The following BBS9 variants were observed in gnomAD, a reference collection of about 807,000 sequenced individuals.
BBS9 encodes protein PTHB1.
BBS9 carries 89 observed loss-of-function variants against 117.7 expected under a neutral mutation model. The observed-to-expected ratio is 0.76, with a 90% CI of 0.64 to 0.90. The LOEUF (loss-of-function observed/expected upper bound fraction) is 0.90, where lower values mean the gene tolerates loss of function less well. Ranked by LOEUF, BBS9 falls within the 40% of genes least tolerant of loss-of-function variation. The pLI, the probability that BBS9 is intolerant of heterozygous loss-of-function variation, is 0.00. For synonymous variants in BBS9, 379 were observed against 370.9 expected (o/e 1.02, Z -0.25); for missense variants, 982 against 1,042.2 (o/e 0.94, Z 0.80).
intron 19 of BBS9, among the ~76,000 whole-genome samples, chr7:33,419,842 C>A (rs1464042930): frequency 6.6e-6 from 1 of 151,934 alleles, no homozygotes; most frequent in Non-Finnish European, 1.5e-5. Flanking sequence ...CTTAAAATTA[C>A]CTTGAATTTT....
At chr7:33,306,117 A>G (rs1236687568) in intron 9 of BBS9, among the ~76,000 whole-genome samples, 11 of 152,068 alleles carry the variant, frequency 7.2e-5, no homozygotes, top group Non-Finnish European at 4.4e-5. Context: ...TGTTTCAAGA[A>G]CTTTTCAGTT....
At chr7:33,490,648 A>T (rs1397774683) in intron 19 of BBS9, among the ~76,000 whole-genome samples, 1 of 152,204 alleles carries the variant, frequency 6.6e-6, no homozygotes, top group Non-Finnish European at 1.5e-5. Context: ...GCAGCACCTA[A>T]CACTCCAGTG....
chr7:33,440,395 G>T (rs1418777909), intron 19 of BBS9, among the ~76,000 whole-genome samples: 1 of 152,048 alleles, frequency 6.6e-6, no homozygotes, highest in Non-Finnish European at 1.5e-5. Flanking sequence ...TTTCTTACTG[G>T]CTTTTGTTTT....
Position 33,605,567 on chromosome 7 carries a change from A to AT in BBS9, c.*347dup, listed in dbSNP as rs1864475419. On this transcript the variant is annotated 3_prime_UTR_variant, in exon 23 of 23. Coordinates refer to ENST00000242067, the MANE Select transcript of BBS9 (RefSeq NM_198428.3). ...CAGATCCAAAATAATTTCATACCCC[A>AT]TTTTTTCACAGAATTCTTATATAGT... The AT allele has an allele frequency of 1.3e-5, 4 of 318,992 alleles. No individual in the cohort carries two copies. Among genetic ancestry groups the AT allele is most frequent in the South Asian group, 8.1e-5 (2 of 24,660 alleles). 19.8% of individuals were successfully genotyped at this position (318,992 alleles called of 1,614,324 possible). A position where few individuals can be genotyped will look rare whatever the true frequency, so the allele number is the denominator to read the frequency against.
chr7:33,487,987 A>G (rs578109418), intron 19 of BBS9, among the ~76,000 whole-genome samples: 57 of 152,330 alleles, frequency 3.7e-4, no homozygotes, highest in African/African-American at 1.3e-3. Context: ...AGCTTTGTAA[A>G]TTATAAAACT....
At chr7:33,386,311 A>G (rs1825995971) in intron 18 of BBS9, among the ~76,000 whole-genome samples, 1 of 152,080 alleles carries the variant, frequency 6.6e-6, no homozygotes, top group Non-Finnish European at 1.5e-5. Context: ...AATGTAGACT[A>G]CGATATGTTT....
chr7:33,294,347 A>G (rs1464380190), intron 9 of BBS9, among the ~76,000 whole-genome samples: 39 of 119,938 alleles, frequency 3.3e-4, no homozygotes, highest in Middle Eastern at 4.3e-3. Flanking sequence ...CTATCTATCT[A>G]TCTATCTCTT....
chr7:33,383,702 T>C lies in BBS9; in HGVS notation c.1826T>C (p.Leu609Pro). ...ATTCAGAGTGAACAATTTGAAGATC[T>C]TTGGCTCATAACCAATGAGCTTATT... ...YRIQSEQFED[L>P]WLITNELILR... The change falls in exon 18 of 23, where the codon CTT (leucine) becomes CCT (proline). Residue 609 changes from leucine (L) to proline (P), a missense_variant. Leu to Pro is a moderately conservative substitution (Grantham distance 98). Coordinates refer to ENST00000242067, the MANE Select transcript of BBS9 (RefSeq NM_198428.3). 2.5e-6 allele frequency: 4 copies of C among 1,610,524 alleles called. No homozygotes were observed. Among genetic ancestry groups the C allele is most frequent in the Non-Finnish European group, 3.4e-6 (4 of 1,177,928 alleles).
chr7:33,493,829 AGAG>A (rs1299373373), intron 19 of BBS9, among the ~76,000 whole-genome samples: 2 of 152,230 alleles, frequency 1.3e-5, no homozygotes, highest in African/African-American at 2.4e-5. Context: ...CTGTTCATGC[AGAG>A]GAGGGTCTGA....
intron 5 of BBS9, among the ~76,000 whole-genome samples, chr7:33,248,268 T>C (rs1319182376): frequency 6.6e-6 from 1 of 152,226 alleles, no homozygotes; most frequent in Non-Finnish European, 1.5e-5. Flanking sequence ...TCATTTCTTC[T>C]GTTTACTTCA....
At chr7:33,590,861 T>TA (rs35153579) in intron 21 of BBS9, among the ~76,000 whole-genome samples, 18 of 149,896 alleles carry the variant, frequency 1.2e-4, no homozygotes, top group South Asian at 4.2e-4. Flanking sequence ...TTTTCTTTTT[T>TA]AAAAAAAAAA....
intron 9 of BBS9, among the ~76,000 whole-genome samples, chr7:33,318,879 C>T (rs923329694): frequency 5.3e-5 from 8 of 152,034 alleles, no homozygotes; most frequent in African/African-American, 1.9e-4. Context: ...ATAATAGTCT[C>T]GAGAGCTGGG....
At chr7:33,540,953 C>T (rs191440277) in intron 21 of BBS9, among the ~76,000 whole-genome samples, 46 of 152,306 alleles carry the variant, frequency 3.0e-4, no homozygotes, top group African/African-American at 1.1e-3. Flanking sequence ...CATTTTACTA[C>T]TTTGCAGCAT....
chr7:33,262,803 G>A (rs568274811), intron 6 of BBS9, among the ~76,000 whole-genome samples: 3 of 152,192 alleles, frequency 2.0e-5, no homozygotes, highest in Non-Finnish European at 4.4e-5. Flanking sequence ...TTCTTTACCA[G>A]CGTGATAGAA....
At chr7:33,429,603 C>T (rs1482752953) in intron 19 of BBS9, among the ~76,000 whole-genome samples, 2 of 152,066 alleles carry the variant, frequency 1.3e-5, no homozygotes, top group African/African-American at 2.4e-5. Context: ...AATCTTGAGC[C>T]TCAGTTTCTG....
chr7:33,521,218 G>C (rs561487262), intron 20 of BBS9, among the ~76,000 whole-genome samples: 13 of 152,310 alleles, frequency 8.5e-5, no homozygotes, highest in African/African-American at 3.1e-4. Context: ...TGGGAGTACA[G>C]GTCAAATAGA....
chr7:33,357,631 G>A (rs1431719185), intron 15 of BBS9: 9 of 609,228 alleles, frequency 1.5e-5, no homozygotes, highest in Admixed American at 1.2e-4. Context: ...CAGATCTCAT[G>A]TCTATGCTTC....
At chr7:33,510,300 T>C (rs1352231698) in intron 20 of BBS9, among the ~76,000 whole-genome samples, 2 of 152,018 alleles carry the variant, frequency 1.3e-5, no homozygotes, top group African/African-American at 4.8e-5. Context: ...CATGTCTCGA[T>C]TGACCCTCTG....
chr7:33,182,185 T>G (rs1444976586), intron 5 of BBS9, among the ~76,000 whole-genome samples: 1 of 152,248 alleles, frequency 6.6e-6, no homozygotes, highest in Non-Finnish European at 1.5e-5. Flanking sequence ...TCTTATAATC[T>G]TTTTTCAAAA....
Sources: gnomAD v4.1 joint callset for allele counts (sites outside exome capture counted in the v4.1 genomes callset) on GRCh38, gnomAD v4.1.1 for gene constraint, MANE v1.5 for transcripts, NCBI Gene and HGNC (gene_info 2026-07-23, HGNC 2026-07-21) for gene names.